Variants in ARHGEF18 observed in about 807,000 individuals in gnomAD.
The protein encoded by ARHGEF18 is Rho/Rac guanine nucleotide exchange factor 18, also known as rho guanine nucleotide exchange factor 18.
Under a neutral mutation model 155.7 loss-of-function variants are expected in ARHGEF18, and 93 were observed. That is an observed-to-expected ratio of 0.60 (90% CI 0.50 to 0.71). ARHGEF18 has a LOEUF of 0.71. ARHGEF18 is among the 30% of genes least tolerant of loss of function. The probability of loss-of-function intolerance (pLI) is 0.00; values close to 1 mark genes in which losing one functional copy is unlikely to be tolerated. For synonymous variants in ARHGEF18, 742 were observed against 753.1 expected (o/e 0.99, Z 0.24); for missense variants, 1,593 against 1,816.1 (o/e 0.88, Z 2.23).
intron 10 of ARHGEF18, among the ~76,000 whole-genome samples, chr19:7,430,884 T>A (rs1321028731): frequency 6.6e-6 from 1 of 151,996 alleles, no homozygotes; most frequent in Non-Finnish European, 1.5e-5. Flanking sequence ...ATCCTCAACC[T>A]AAATGTTATA....
chr19:7,454,689 GTCC>G (rs1975716260), intron 17 of ARHGEF18, among the ~76,000 whole-genome samples: 1 of 152,124 alleles, frequency 6.6e-6, no homozygotes, highest in Admixed American at 6.6e-5. Flanking sequence ...TTGTATCACC[GTCC>G]TCCTCCTCTG....
Position 7,383,076 on chromosome 19 carries a change from A to C in ARHGEF18, c.840A>C (p.Ala280=). Residue 280 remains alanine (A), a synonymous_variant, in exon 10 of 29, where the codon GCA becomes GCC. Transcript: ENST00000668164. ...GTCCCATCCAGGGGAAGAGCCCAGC[A>C]CATCTGAAGGACAAGGGCCAGGATG... ...TRQKEKGKSP[A]HLKDKGQDAR... 8.1e-7 allele frequency: 1 copy of C among 1,232,468 alleles called. No individual in the cohort carries two copies. Among genetic ancestry groups the C allele is most frequent in the Non-Finnish European group, 1.0e-6 (1 of 988,190 alleles). The allele number at this position is 1,232,468 out of a possible 1,614,324, so 76.3% of individuals were successfully genotyped here. A position where few individuals can be genotyped will look rare whatever the true frequency, so the allele number is the denominator to read the frequency against.
downstream of ARHGEF18, among the ~76,000 whole-genome samples, chr19:7,473,758 C>G (rs868259100): frequency 7.0e-6 from 1 of 142,356 alleles, no homozygotes; most frequent in Non-Finnish European, 1.5e-5. Flanking sequence ...TGCGGTGAGC[C>G]GAGATTGCGC....
intron 2 of ARHGEF18, among the ~76,000 whole-genome samples, chr19:7,366,119 T>C (rs1969876919): frequency 6.6e-6 from 1 of 152,154 alleles, no homozygotes. Flanking sequence ...CTAATTTTTG[T>C]ATTTTTAGAA....
chr19:7,459,849 C>T (rs1002758301), intron 19 of ARHGEF18, 54 bp from the exon 20 acceptor site: 39 of 1,478,724 alleles, frequency 2.6e-5, no homozygotes, highest in Admixed American at 1.7e-4. Context: ...GCGTCTGTGC[C>T]GAGGCTGGCC....
chr19:7,473,223 G>A, downstream of ARHGEF18: 1 of 456,216 alleles, frequency 2.2e-6, no homozygotes, highest in Non-Finnish European at 4.4e-6. Flanking sequence ...TTCAACAGAG[G>A]GTTTCCCATC....
chr19:7,454,241 A>G (rs149240637), intron 17 of ARHGEF18, among the ~76,000 whole-genome samples: 2 of 143,412 alleles, frequency 1.4e-5, no homozygotes, highest in African/African-American at 2.6e-5. Context: ...AGTGGGCACA[A>G]TTTGGGTTGG....
chr19:7,464,226 TG>T (rs1390377147), intron 22 of ARHGEF18, among the ~76,000 whole-genome samples: 4 of 151,958 alleles, frequency 2.6e-5, no homozygotes, highest in Admixed American at 2.6e-4. Flanking sequence ...TTAGTAGAAA[TG>T]GGGTTTCACC....
intron 10 of ARHGEF18, among the ~76,000 whole-genome samples, chr19:7,398,551 C>T (rs1250028822): frequency 1.3e-5 from 2 of 151,492 alleles, no homozygotes. Context: ...ATTAGCTGGG[C>T]GTGGTGGCCT....
chr19:7,451,795 C>T (rs902027936), intron 16 of ARHGEF18, among the ~76,000 whole-genome samples: 1 of 151,924 alleles, frequency 6.6e-6, no homozygotes, highest in Non-Finnish European at 1.5e-5. Context: ...GATCTCGGCT[C>T]ACTGCAACCT....
In ARHGEF18 at chr19:7,385,872, C is replaced by CTCTCTCTCTCTCTCT. The variant is rs1568285803; in HGVS notation, c.967+2669_967+2670insTCTCTCTCTCTCTCT. 6.0e-5 allele frequency among the ~76,000 whole-genome samples: 3 copies of CTCTCTCTCTCTCTCT among 49,714 alleles called. No homozygotes were observed. The East Asian group carries it at 2.1e-3, about 35-fold the overall frequency. The allele number at this position is 49,714 out of a possible 152,430, so 32.6% of individuals were successfully genotyped here. On this transcript the variant is annotated intron_variant, in intron 10 of 28. Coordinates refer to ENST00000668164, the MANE Select transcript of ARHGEF18 (RefSeq NM_001367823.1). ...CTCTCTCTCTCTCTCTCTCTCTCTC[C>CTCTCTCTCTCTCTCT]CCCCTCCCTCTCTCCCTCCCTCCCT...
At chr19:7,353,761 T>G (rs1969213457) in intron 1 of ARHGEF18, among the ~76,000 whole-genome samples, 1 of 151,744 alleles carries the variant, frequency 6.6e-6, no homozygotes, top group Non-Finnish European at 1.5e-5. Context: ...AAGACCAGTC[T>G]GGCCAACATG....
At chr19:7,376,971 C>A (rs1970488339) in intron 5 of ARHGEF18, among the ~76,000 whole-genome samples, 1 of 152,154 alleles carries the variant, frequency 6.6e-6, no homozygotes, top group African/African-American at 2.4e-5. Flanking sequence ...GGGGAAGGGA[C>A]CTCCAGCATC....
chr19:7,376,700 G>A lies in ARHGEF18; in HGVS notation c.484G>A (p.Glu162Lys), dbSNP rs561272722. 6 of 1,234,478 alleles carry A rather than the reference G, an allele frequency of 4.9e-6. No individual in the cohort carries two copies. The highest frequency in any genetic ancestry group is 4.1e-5 in the South Asian group (1 of 24,416). The allele number at this position is 1,234,478 out of a possible 1,614,324, so 76.5% of individuals were successfully genotyped here. A position where few individuals can be genotyped will look rare whatever the true frequency, so the allele number is the denominator to read the frequency against. The change falls in exon 5 of 29, where the codon GAG (glutamate) becomes AAG (lysine). Residue 162 changes from glutamate to lysine, a missense_variant. By Grantham distance (56) the Glu-to-Lys change is moderately conservative. Transcript: ENST00000668164. ...RSRSVPVSFY[E>K]IRSPEISPGL... ...AAGGTCCGTTCCTGTGTCCTTCTAT[G>A]AGATCCGCTCTCCGGAAATCTCTCC... is the stretch of plus-strand genomic sequence containing the variant.
chr19:7,387,142 G>T (rs1216320931), intron 10 of ARHGEF18, among the ~76,000 whole-genome samples: 2 of 150,766 alleles, frequency 1.3e-5, no homozygotes, highest in African/African-American at 4.8e-5. Context: ...ACCTGTTTTT[G>T]TTGTTGTTGT....
rs1446937590 is a variant in ARHGEF18 at position 7,440,291 on chromosome 19, C to A, written c.968-53C>A. ...AGCGGGGCTTCCGCGCCGGGGACCT[C>A]CGCTACCCGACCCACTTTCTCAGCA... On this transcript the variant is annotated intron_variant, in intron 10 of 28. Coordinates refer to ENST00000668164, the MANE Select transcript of ARHGEF18 (RefSeq NM_001367823.1). This position sits in a 1 kb window ranked among gnomAD's most constrained non-coding sequence, Gnocchi z 5.4. 5 of 1,578,832 alleles carry A rather than the reference C, an allele frequency of 3.2e-6. No individual in the cohort carries two copies. The African/African-American group carries it at 4.1e-5, about 13-fold the overall frequency.
chr19:7,454,320 CT>C (rs1161175582), intron 17 of ARHGEF18, among the ~76,000 whole-genome samples: 1 of 151,890 alleles, frequency 6.6e-6, no homozygotes, highest in Non-Finnish European at 1.5e-5. Flanking sequence ...CTGGGTGCCT[CT>C]TGGATCAGTG....
chr19:7,374,762 C>T (rs117859479), intron 3 of ARHGEF18, among the ~76,000 whole-genome samples: 2,362 of 152,200 alleles, frequency 0.016, 33 homozygotes, highest in Non-Finnish European at 0.023. Flanking sequence ...GCTGAGAGTA[C>T]GGCCACGATC....
downstream of ARHGEF18, among the ~76,000 whole-genome samples, chr19:7,474,867 C>T (rs1460931052): frequency 6.6e-6 from 1 of 152,000 alleles, no homozygotes; most frequent in Non-Finnish European, 1.5e-5. Context: ...CTGGGATGCC[C>T]CCAGCCTTCC....
Sources: gnomAD v4.1 joint callset for allele counts (sites outside exome capture counted in the v4.1 genomes callset) on GRCh38, gnomAD v4.1.1 for gene constraint, Gnocchi (gnomAD v3.1) non-coding constraint, MANE v1.5 for transcripts, NCBI Gene and HGNC (gene_info 2026-07-23, HGNC 2026-07-21) for gene names.